Variants in HS3ST4 observed in about 807,000 individuals in gnomAD.
HS3ST4 encodes heparan sulfate-glucosamine 3-sulfotransferase 4, also known as heparan sulfate glucosamine 3-O-sulfotransferase 4.
Under a neutral mutation model 29.2 loss-of-function variants are expected in HS3ST4, and 17 were observed. That is an observed-to-expected ratio of 0.58 (90% CI 0.40 to 0.87). The LOEUF (loss-of-function observed/expected upper bound fraction) is 0.87, where lower values mean the gene tolerates loss of function less well. Ranked by LOEUF, HS3ST4 falls within the 40% of genes least tolerant of loss-of-function variation. The probability of loss-of-function intolerance (pLI) is 0.00; values close to 1 mark genes in which losing one functional copy is unlikely to be tolerated. For missense variants in HS3ST4, 627 were observed against 634.5 expected (o/e 0.99, Z 0.13); for synonymous variants, 314 against 285.7 (o/e 1.10, Z -1.00).
chr16:26,020,422 A>G (rs1019991887), intron 1 of HS3ST4, among the ~76,000 whole-genome samples: 3 of 152,222 alleles, frequency 2.0e-5, no homozygotes, highest in Non-Finnish European at 4.4e-5. Flanking sequence ...GTCCTAAGAG[A>G]AAAAGCTCTG....
At chr16:25,932,139 C>A (rs1968470294) in intron 1 of HS3ST4, among the ~76,000 whole-genome samples, 1 of 152,158 alleles carries the variant, frequency 6.6e-6, no homozygotes, top group Admixed American at 6.5e-5. Context: ...TATAGTGAGA[C>A]CCTGTCTGTA....
intron 1 of HS3ST4, among the ~76,000 whole-genome samples, chr16:25,928,856 G>A (rs8049151): frequency 0.016 from 2,393 of 152,228 alleles, 79 homozygotes; most frequent in African/African-American, 0.055. Flanking sequence ...CCCTGAAAGC[G>A]CTTGAGAAGT....
intron 1 of HS3ST4, among the ~76,000 whole-genome samples, chr16:25,695,005 T>C (rs1966283942): frequency 6.6e-6 from 1 of 152,170 alleles, no homozygotes; most frequent in South Asian, 2.1e-4. Flanking sequence ...AATGAAAGAA[T>C]AGAAGATGCC....
rs140286883 is a variant in HS3ST4, at chr16:25,962,946, C to T, written c.735-172666C>T. Among the ~76,000 whole-genome samples, 34 of 152,274 alleles carry T rather than the reference C, an allele frequency of 2.2e-4. No homozygotes were observed. In the East Asian group the frequency reaches 5.6e-3, roughly 25 times the overall value. ...TCAACCAATCCTATTACTATGAGTGCCATTACTCCTCCTACTGCCACTACC... is the reference window on the plus strand; with the variant it reads ...TCAACCAATCCTATTACTATGAGTGTCATTACTCCTCCTACTGCCACTACC... On this transcript the variant is annotated intron_variant, in intron 1 of 1. Coordinates refer to ENST00000331351, the MANE Select transcript of HS3ST4 (RefSeq NM_006040.3).
chr16:25,888,792 C>G (rs1372886709), intron 1 of HS3ST4, among the ~76,000 whole-genome samples: 3 of 152,086 alleles, frequency 2.0e-5, no homozygotes, highest in African/African-American at 7.2e-5. Context: ...ACAACAACAA[C>G]AAAACAACAA....
intron 1 of HS3ST4, among the ~76,000 whole-genome samples, chr16:25,978,123 T>G (rs1453048654): frequency 6.6e-6 from 1 of 152,172 alleles, no homozygotes; most frequent in African/African-American, 2.4e-5. Context: ...TGACACAAAA[T>G]GGGTACTAAG....
chr16:26,070,884 G>A (rs1283448787), intron 1 of HS3ST4, among the ~76,000 whole-genome samples: 1 of 152,168 alleles, frequency 6.6e-6, no homozygotes, highest in Non-Finnish European at 1.5e-5. Flanking sequence ...GGAGACCTGC[G>A]ATTTAGTCTC....
At position 25,893,404 on chromosome 16, in the gene HS3ST4, A is replaced by G. The variant is rs184649310; in HGVS notation, c.734+200253A>G. On this transcript the variant is annotated intron_variant, in intron 1 of 1. Transcript: ENST00000331351. ...TCCCAGTTAGCAGCTTCTGTGGACA[A>G]AGTCCCAGGAAGGGATCCCACTGGT... is the stretch of plus-strand genomic sequence containing the variant. Among the ~76,000 whole-genome samples, 67 of 152,360 alleles carry G rather than the reference A, an allele frequency of 4.4e-4. 1 individual carries two copies. The highest frequency in any genetic ancestry group is 5.9e-5 in the Non-Finnish European group (4 of 68,040).
intron 1 of HS3ST4, among the ~76,000 whole-genome samples, chr16:25,840,619 A>G (rs1967402488): frequency 6.6e-6 from 1 of 152,296 alleles, no homozygotes; most frequent in African/African-American, 2.4e-5. Flanking sequence ...TTTTCCATAA[A>G]GGGCATTTTA....
chr16:26,120,083 G>A (rs55973962), intron 1 of HS3ST4, among the ~76,000 whole-genome samples: 1 of 124,918 alleles, frequency 8.0e-6, no homozygotes, highest in Admixed American at 8.3e-5. Flanking sequence ...GTGTGTGTGT[G>A]TGTGTGTGTA....
intron 1 of HS3ST4, among the ~76,000 whole-genome samples, chr16:25,998,926 A>G (rs944620987): frequency 3.9e-5 from 6 of 152,214 alleles, no homozygotes; most frequent in Non-Finnish European, 8.8e-5. Context: ...GTTAAATGAC[A>G]TAAGCATTTT....
intron 1 of HS3ST4, among the ~76,000 whole-genome samples, chr16:26,038,905 G>A (rs973795173): frequency 1.3e-5 from 2 of 151,836 alleles, no homozygotes; most frequent in African/African-American, 2.4e-5. Flanking sequence ...GGATGGTCTC[G>A]ATCTCCTGAC....
chr16:25,945,746 C>T (rs757775874), intron 1 of HS3ST4, among the ~76,000 whole-genome samples: 1 of 152,164 alleles, frequency 6.6e-6, no homozygotes, highest in Non-Finnish European at 1.5e-5. Context: ...TTGCCTACTG[C>T]CCATTTTCCA....
At chr16:26,092,367 A>G (rs1023959522) in intron 1 of HS3ST4, among the ~76,000 whole-genome samples, 5 of 152,202 alleles carry the variant, frequency 3.3e-5, no homozygotes, top group African/African-American at 1.2e-4. Context: ...TACCTGCCCC[A>G]GGCAAGCAAC....
At chr16:25,862,372 T>C (rs1356831285) in intron 1 of HS3ST4, among the ~76,000 whole-genome samples, 1 of 152,078 alleles carries the variant, frequency 6.6e-6, no homozygotes, top group Non-Finnish European at 1.5e-5. Flanking sequence ...TTTGTAGTTT[T>C]AGTAGAAACG....
intron 1 of HS3ST4, among the ~76,000 whole-genome samples, chr16:25,696,946 G>A (rs923930388): frequency 4.6e-5 from 7 of 152,222 alleles, no homozygotes; most frequent in African/African-American, 1.2e-4. Flanking sequence ...CACTTTACAC[G>A]TGGCTCCGAG....
intron 1 of HS3ST4, among the ~76,000 whole-genome samples, chr16:25,835,949 G>C (rs948419825): frequency 2.0e-5 from 3 of 152,178 alleles, no homozygotes; most frequent in African/African-American, 7.2e-5. Flanking sequence ...AAGGGAAATA[G>C]GAGACCATAC....
chr16:25,778,152 T>A (rs1024753205), intron 1 of HS3ST4, among the ~76,000 whole-genome samples: 7 of 147,956 alleles, frequency 4.7e-5, no homozygotes, highest in East Asian at 4.0e-4. Flanking sequence ...ATATATATAT[T>A]TTTTCTACAA....
intron 1 of HS3ST4, among the ~76,000 whole-genome samples, chr16:25,885,356 C>T (rs1006987243): frequency 6.6e-6 from 1 of 152,092 alleles, no homozygotes; most frequent in Non-Finnish European, 1.5e-5. Context: ...GGTTTCGAGA[C>T]CCTCAGAGGA....
Sources: gnomAD v4.1 joint callset for allele counts (sites outside exome capture counted in the v4.1 genomes callset) on GRCh38, gnomAD v4.1.1 for gene constraint, MANE v1.5 for transcripts, NCBI Gene and HGNC (gene_info 2026-07-23, HGNC 2026-07-21) for gene names.